ZKSCAN5: variants seen among roughly 807,000 people sequenced by gnomAD.
The protein encoded by ZKSCAN5 is zinc finger protein with KRAB and SCAN domains 5.
Under a neutral mutation model 60.0 loss-of-function variants are expected in ZKSCAN5, and 28 were observed. The ratio of observed to expected loss-of-function variants is 0.47; its 90% CI spans 0.35 to 0.64. The LOEUF is 0.64. Ranked by LOEUF, ZKSCAN5 falls within the 30% of genes least tolerant of loss-of-function variation. The pLI, the probability that ZKSCAN5 is intolerant of heterozygous loss-of-function variation, is 0.01. For synonymous variants in ZKSCAN5, 361 were observed against 371.2 expected, an observed-to-expected ratio of 0.97 and a Z score of 0.31; for missense variants, 881 against 1,034.6, an observed-to-expected ratio of 0.85 and a Z score of 2.04.
In ZKSCAN5 at chr7:99,531,695, TC is replaced by T; in HGVS notation, c.1969del (p.Arg657GlufsTer20). 6.2e-7 allele frequency: 1 copy of T among 1,614,188 alleles called. No homozygotes were observed. The highest frequency in any genetic ancestry group is 8.5e-7 in the Non-Finnish European group (1 of 1,180,036). ...SHLAGHLRLHSREKSHQCREC... is the reference protein window; with the variant it reads ...SHLAGHLRLHXREKSHQCREC... ...CCTGGCTGGACATCTTCGACTCCAC[TC>T]CCGAGAGAAATCCCATCAGTGTCGT... is the stretch of plus-strand genomic sequence containing the variant. On this transcript the variant is annotated frameshift_variant, in exon 7 of 7. Coordinates refer to ENST00000326775, the MANE Select transcript of ZKSCAN5 (RefSeq NM_145102.4). LOFTEE classifies it low-confidence loss of function (END_TRUNC).
At chr7:99,518,566 G>T (rs887581586) in intron 3 of ZKSCAN5, among the ~76,000 whole-genome samples, 1 of 151,866 alleles carries the variant, frequency 6.6e-6, no homozygotes, top group Non-Finnish European at 1.5e-5. Flanking sequence ...ATTAAAGCTC[G>T]AGCAGCCCTG....
At position 99,532,228 on chromosome 7, in the gene ZKSCAN5, T is replaced by C; in HGVS notation, c.2499T>C (p.Ser833=). 1 of 1,589,634 alleles carries C rather than the reference T, an allele frequency of 6.3e-7. No homozygotes were observed. Among genetic ancestry groups the C allele is most frequent in the Non-Finnish European group, 8.5e-7 (1 of 1,171,612 alleles). ...HERTDPINTL[S]VEGSLL ...GGACAGATCCCATAAATACCTTAAG[T>C]GTAGAGGGGTCTCTGTTGTAGAATA... The change falls in exon 7 of 7, where the codon AGT becomes AGC. Residue 833 remains serine (S), a synonymous_variant. Transcript: ENST00000326775.
At chr7:99,508,475 C>T (rs1326416096) in intron 2 of ZKSCAN5, among the ~76,000 whole-genome samples, 6 of 151,816 alleles carry the variant, frequency 4.0e-5, no homozygotes, top group Admixed American at 1.3e-4. Context: ...CAATATTGGC[C>T]GGGCATGGTG....
intron 1 of ZKSCAN5, 142 bp from the exon 2 acceptor site, chr7:99,505,863 T>A: frequency 1.6e-6 from 1 of 626,428 alleles, no homozygotes; most frequent in South Asian, 2.2e-5. Flanking sequence ...AGTAAATTAC[T>A]TTGTTGAGTG....
intron 5 of ZKSCAN5, among the ~76,000 whole-genome samples, chr7:99,525,574 G>A (rs752233240): frequency 1.5e-4 from 23 of 151,980 alleles, no homozygotes; most frequent in Non-Finnish European, 2.5e-4. Flanking sequence ...GACCCTCTTC[G>A]TTCAGTGGAA....
At chr7:99,510,700 C>T (rs139619501) in intron 2 of ZKSCAN5, among the ~76,000 whole-genome samples, 265 of 151,962 alleles carry the variant, frequency 1.7e-3, no homozygotes, top group Admixed American at 3.6e-3. Context: ...CGCCTCGGCC[C>T]CCCAAAGTAC....
chr7:99,512,730 C>A, intron 3 of ZKSCAN5, 139 bp downstream of exon 3: 2 of 1,092,910 alleles, frequency 1.8e-6, no homozygotes, highest in African/African-American at 1.6e-5. Flanking sequence ...CAGGGAAAGG[C>A]CAGGGACCTG....
intron 3 of ZKSCAN5, among the ~76,000 whole-genome samples, chr7:99,519,422 C>T (rs779088615): frequency 4.6e-5 from 7 of 152,200 alleles, no homozygotes; most frequent in East Asian, 3.9e-4. Context: ...GGATTACAGG[C>T]GTGCATCACC....
At position 99,525,649 on chromosome 7, in the gene ZKSCAN5, C is replaced by A. The variant is rs777561844; in HGVS notation, c.773-164C>A. ...CAGCTCTTCCTTCCCTAACCTCCCTCACTTTTCTGCTTGAATATTTTTCAT... is the reference window on the plus strand; with the variant it reads ...CAGCTCTTCCTTCCCTAACCTCCCTAACTTTTCTGCTTGAATATTTTTCAT... On this transcript the variant is annotated intron_variant, in intron 5 of 6. Coordinates refer to ENST00000326775, the MANE Select transcript of ZKSCAN5 (RefSeq NM_145102.4). Among the ~76,000 whole-genome samples, 130 of 151,930 alleles carry A rather than the reference C, an allele frequency of 8.6e-4. 1 individual carries two copies. Among genetic ancestry groups the A allele is most frequent in the Non-Finnish European group, 1.9e-4 (13 of 68,014 alleles).
chr7:99,528,139 T>C lies in ZKSCAN5; in HGVS notation c.1378+1721T>C, dbSNP rs1010743554. ...TTTTTCTTTTTTTTTTTTTTTTTTT[T>C]AATTCTGCCTTTGATGTTTACAGCC... On this transcript the variant is annotated intron_variant, in intron 6 of 6. Coordinates refer to ENST00000326775, the MANE Select transcript of ZKSCAN5 (RefSeq NM_145102.4). 5.5e-3 allele frequency among the ~76,000 whole-genome samples: 824 copies of C among 150,308 alleles called. 6 individuals are homozygous for C. The highest frequency in any genetic ancestry group is 0.02 in the African/African-American group (799 of 40,846).
intron 2 of ZKSCAN5, among the ~76,000 whole-genome samples, chr7:99,511,670 T>G (rs1457712317): frequency 1.3e-5 from 2 of 152,086 alleles, no homozygotes; most frequent in African/African-American, 4.8e-5. Context: ...CTTGAACTCC[T>G]GGGCTCAAGC....
Position 99,508,791 on chromosome 7 carries a change from TTTTC to T in ZKSCAN5, c.414+2357_414+2360del, listed in dbSNP as rs761889564. 6.6e-3 allele frequency among the ~76,000 whole-genome samples: 994 copies of T among 149,816 alleles called. 2 individuals carry two copies. Among genetic ancestry groups the T allele is most frequent in the African/African-American group, 0.018 (730 of 40,852 alleles). On this transcript the variant is annotated intron_variant, in intron 2 of 6. Coordinates refer to ENST00000326775, the MANE Select transcript of ZKSCAN5 (RefSeq NM_145102.4). The stretch of plus-strand genomic sequence containing the variant: ...ATACAATATTTTATTTCTGTGAAAT[TTTTC>T]TTTCTTTCTTTCTTTCTTTCTTTTT...
chr7:99,528,487 C>T (rs1011342124), intron 6 of ZKSCAN5, among the ~76,000 whole-genome samples: 3 of 152,040 alleles, frequency 2.0e-5, no homozygotes, highest in Non-Finnish European at 2.9e-5. Context: ...GGTAAAGTAG[C>T]GGGATCTCAG....
At position 99,520,273 on chromosome 7, in the gene ZKSCAN5, G is replaced by T. The variant is rs143858581; in HGVS notation, c.741G>T (p.Arg247Ser). The change falls in exon 5 of 7, where the codon AGG (arginine) becomes AGT (serine). Residue 247 changes from arginine (R) to serine (S), a missense_variant. Around this residue, in one of 5 missense-constraint regions of ZKSCAN5, gnomAD observed 490 missense variants for 554.5 expected, o/e 0.88. Transcript: ENST00000326775. ...AGAAGTCCCTTTATAGGGATGACAG[G>T]AAGGAGAACTATGGGAGTATTACTT... ...QSQKSLYRDD[R>S]KENYGSITSM... The T allele has an allele frequency of 2.0e-5, 33 of 1,613,966 alleles. No homozygotes were observed. Among genetic ancestry groups the T allele is most frequent in the Non-Finnish European group, 2.6e-5 (31 of 1,180,024 alleles).
At chr7:99,524,174 G>A (rs755997147) in intron 5 of ZKSCAN5, among the ~76,000 whole-genome samples, 12 of 151,418 alleles carry the variant, frequency 7.9e-5, no homozygotes, top group Non-Finnish European at 1.3e-4. Flanking sequence ...GGGTTCAAGC[G>A]ATTCTCGTGC....
At chr7:99,517,891 T>C (rs916726957) in intron 3 of ZKSCAN5, among the ~76,000 whole-genome samples, 2 of 152,058 alleles carry the variant, frequency 1.3e-5, no homozygotes, top group Non-Finnish European at 2.9e-5. Flanking sequence ...TGGGGCACAT[T>C]CAAAGCCATC....
At chr7:99,526,488 T>A in intron 6 of ZKSCAN5, 70 bp downstream of exon 6, 3 of 1,540,754 alleles carry the variant, frequency 1.9e-6, no homozygotes, top group Non-Finnish European at 2.6e-6. Flanking sequence ...ATTAGTACGG[T>A]ACAACAGGAC....
Position 99,531,498 on chromosome 7 carries a change from T to C in ZKSCAN5, c.1769T>C (p.Val590Ala), listed in dbSNP as rs1285463685. Reference sequence around the variant, plus strand: ...TGTGGGAAAAGCTACAACCAACGCGTGCACCTAACTCAGCATCAGCGCGTC... The same window carrying C: ...TGTGGGAAAAGCTACAACCAACGCGCGCACCTAACTCAGCATCAGCGCGTC... ...EECGKSYNQR[V>A]HLTQHQRVHT... is the part of the protein sequence containing the mutation. Residue 590 changes from valine to alanine, a missense_variant, in exon 7 of 7, where the codon GTG becomes GCG. Around this residue, in one of 5 missense-constraint regions of ZKSCAN5, gnomAD observed 112 missense variants for 182.4 expected, o/e 0.61. Transcript: ENST00000326775. 2 of 1,614,194 alleles carry C rather than the reference T, an allele frequency of 1.2e-6. No individual in the cohort carries two copies. Among genetic ancestry groups the C allele is most frequent in the South Asian group, 2.2e-5 (2 of 91,086 alleles).
chr7:99,530,715 A>G (rs968422908), intron 6 of ZKSCAN5, among the ~76,000 whole-genome samples: 3 of 152,178 alleles, frequency 2.0e-5, no homozygotes, highest in Non-Finnish European at 4.4e-5. Context: ...GTTACATCAT[A>G]GTTTCATCTG....
Sources: gnomAD v4.1 joint callset for allele counts (sites outside exome capture counted in the v4.1 genomes callset) on GRCh38, gnomAD v4.1.1 for gene constraint, gnomAD v4.1.1 regional missense constraint, MANE v1.5 for transcripts, NCBI Gene and HGNC (gene_info 2026-07-23, HGNC 2026-07-21) for gene names.